Variants in EEF1G observed in about 807,000 individuals in gnomAD.
EEF1G encodes the protein elongation factor 1-gamma.
In EEF1G, 14 loss-of-function variants were observed where a neutral mutation model predicts 58.3. The observed-to-expected ratio is 0.24, with a 90% CI of 0.16 to 0.38. The LOEUF (loss-of-function observed/expected upper bound fraction) is 0.38, where lower values mean the gene tolerates loss of function less well. Among genes scored for constraint, EEF1G ranks in the 10% least tolerant of loss-of-function variants. The pLI is 1.00. For missense variants in EEF1G, 322 were observed against 550.1 expected (o/e 0.59, Z 4.15); for synonymous variants, 180 against 206.8 (o/e 0.87, Z 1.11).
chr11:62,561,837 T>C (rs1463069985), intron 7 of EEF1G, among the ~76,000 whole-genome samples: 1 of 152,150 alleles, frequency 6.6e-6, no homozygotes. Flanking sequence ...TAAGACTCTC[T>C]CTCTAGCTGG....
intron 5 of EEF1G, among the ~76,000 whole-genome samples, chr11:62,569,428 C>T (rs560576548): frequency 4.9e-4 from 74 of 152,224 alleles, no homozygotes; most frequent in African/African-American, 1.7e-3. Flanking sequence ...GAGCCAAGAT[C>T]GTGCCACTGC....
At chr11:62,563,522 C>T (rs1565260475) in intron 7 of EEF1G, among the ~76,000 whole-genome samples, 1 of 152,134 alleles carries the variant, frequency 6.6e-6, no homozygotes, top group Non-Finnish European at 1.5e-5. Context: ...AGTTGGACAC[C>T]GGACTAAGCA....
At chr11:62,567,150 A>C (rs1590709326) in intron 6 of EEF1G, 140 bp from the exon 7 acceptor site, 1 of 985,446 alleles carries the variant, frequency 1.0e-6, no homozygotes, top group East Asian at 2.4e-5. Flanking sequence ...ACTGCTCATC[A>C]GTTCACTGTG....
chr11:62,571,418 C>A, intron 4 of EEF1G, 122 bp downstream of exon 4: 1 of 1,400,332 alleles, frequency 7.1e-7, no homozygotes, highest in Non-Finnish European at 9.6e-7. Context: ...CTAGAGATTA[C>A]GTCTTCTCAT....
chr11:62,560,220 C>A, intron 8 of EEF1G, 27 bp from the exon 9 acceptor site: 6 of 1,614,002 alleles, frequency 3.7e-6, no homozygotes, highest in Non-Finnish European at 5.1e-6. Context: ...GAACATTCAG[C>A]CTTTGGAATC....
chr11:62,567,094 A>G, intron 6 of EEF1G, 84 bp from the exon 7 acceptor site: 1 of 1,428,810 alleles, frequency 7.0e-7, no homozygotes, highest in South Asian at 1.2e-5. Flanking sequence ...AAGCAAGGTA[A>G]CAGAGGAAAC....
rs1941663128 is a variant in EEF1G at position 62,573,489 on chromosome 11, C to T, written c.12+342G>A. 3 of 442,772 alleles carry T rather than the reference C, an allele frequency of 6.8e-6. No homozygotes were observed. In the Admixed American group the frequency reaches 1.1e-4, roughly 17 times the overall value. The allele number at this position is 442,772 out of a possible 1,614,324, so 27.4% of individuals were successfully genotyped here. The stretch of plus-strand genomic sequence containing the variant: ...CAAAGACCCTCCTCTTCAACCTGTC[C>T]CCTGTGTTACTCCACAAAACGGACA... On this transcript the variant is annotated intron_variant, in intron 1 of 9. Transcript: ENST00000329251.
Position 62,560,213 on chromosome 11 carries a change from C to T in EEF1G, c.1031-20G>A. The T allele has an allele frequency of 2.5e-6, 4 of 1,614,036 alleles. No individual in the cohort carries two copies. The highest frequency in any genetic ancestry group is 1.1e-5 in the South Asian group (1 of 91,080). Reference sequence around the variant, plus strand: ...ACATTCCTGAAGCGGCAAGGGAGAACATTCAGCCTTTGGAATCACAGCACT... The same window carrying T: ...ACATTCCTGAAGCGGCAAGGGAGAATATTCAGCCTTTGGAATCACAGCACT... On this transcript the variant is annotated intron_variant, in intron 8 of 9. Transcript: ENST00000329251.
At chr11:62,570,259 G>A (rs770339503) in intron 5 of EEF1G, among the ~76,000 whole-genome samples, 2 of 151,768 alleles carry the variant, frequency 1.3e-5, no homozygotes, top group East Asian at 2.0e-4. Context: ...ACAGGGTTTC[G>A]CCATGCTGGC....
intron 1 of EEF1G, chr11:62,573,134 A>C: frequency 6.2e-6 from 1 of 162,320 alleles, no homozygotes; most frequent in Non-Finnish European, 1.3e-5. Flanking sequence ...TGCCTACTCT[A>C]CTGCTCAGCT....
At chr11:62,565,486 G>T (rs1176335884) in intron 7 of EEF1G, among the ~76,000 whole-genome samples, 1 of 152,068 alleles carries the variant, frequency 6.6e-6, no homozygotes, top group African/African-American at 2.4e-5. Context: ...ACCATGTTAA[G>T]AAAATGTAAA....
At chr11:62,572,483 T>C in intron 2 of EEF1G, 101 bp downstream of exon 2, 2 of 1,450,108 alleles carry the variant, frequency 1.4e-6, no homozygotes, top group East Asian at 2.3e-5. Flanking sequence ...TAAAACAACA[T>C]GGGAAGCTCC....
chr11:62,571,158 C>A, intron 4 of EEF1G, 50 bp from the exon 5 acceptor site: 1 of 1,612,536 alleles, frequency 6.2e-7, no homozygotes, highest in Non-Finnish European at 8.5e-7. Context: ...ATCCCTTTCC[C>A]TCACCTCCCC....
chr11:62,571,171 T>A, intron 4 of EEF1G, 63 bp from the exon 5 acceptor site: 1 of 1,609,580 alleles, frequency 6.2e-7, no homozygotes, highest in Non-Finnish European at 8.5e-7. Flanking sequence ...ACCTCCCCCA[T>A]TAATAGAACT....
At chr11:62,561,671 CAAAAA>C (rs66756936) in intron 7 of EEF1G, among the ~76,000 whole-genome samples, 1 of 82,310 alleles carries the variant, frequency 1.2e-5, no homozygotes, top group Non-Finnish European at 2.2e-5. Flanking sequence ...AAAAAAAAAA[CAAAAA>C]AAAAACAAAA....
At chr11:62,567,621 G>T in intron 5 of EEF1G, 93 bp from the exon 6 acceptor site, 1 of 1,307,400 alleles carries the variant, frequency 7.6e-7, no homozygotes, top group African/African-American at 1.5e-5. Context: ...AAGTCCCAGT[G>T]CTCACCTTCT....
intron 7 of EEF1G, among the ~76,000 whole-genome samples, chr11:62,562,583 G>A (rs1941510244): frequency 6.6e-6 from 1 of 152,078 alleles, no homozygotes; most frequent in Non-Finnish European, 1.5e-5. Context: ...CCGGGTTCAA[G>A]CGATTCTCCT....
intron 7 of EEF1G, 78 bp downstream of exon 7, chr11:62,566,728 C>G (rs959526922): frequency 7.4e-7 from 1 of 1,345,288 alleles, no homozygotes; most frequent in Middle Eastern, 1.9e-4. Context: ...CTGGCTCTAG[C>G]TGTGTGTGAG....
Position 62,566,970 on chromosome 11 carries a change from T to C in EEF1G, c.693A>G (p.Pro231=), listed in dbSNP as rs746771975. Residue 231 remains proline, a synonymous_variant, in exon 7 of 10, where the codon CCA becomes CCG. Transcript: ENST00000329251. ...FAETQPKKDT[P]RKEKGSREEK... ...CTTCCCGTGAACCCTTCTCTTTCCG[T>C]GGTGTGTCCTTTTTAGGTTGGGTCT... 2 of 1,614,024 alleles carry C rather than the reference T, an allele frequency of 1.2e-6. No individual in the cohort carries two copies. Among genetic ancestry groups the C allele is most frequent in the Non-Finnish European group, 1.7e-6 (2 of 1,179,902 alleles).
Sources: allele counts gnomAD v4.1 joint callset (sites outside exome capture counted in the v4.1 genomes callset), GRCh38; gene constraint gnomAD v4.1.1; transcripts MANE v1.5; gene names NCBI Gene and HGNC (gene_info 2026-07-23, HGNC 2026-07-21).